The following SPATA17 variants were observed in gnomAD, a reference collection of about 807,000 sequenced individuals.
SPATA17 encodes spermatogenesis-associated protein 17.
A neutral mutation model predicts 62.2 loss-of-function variants in SPATA17; 53 were observed. The ratio of observed to expected loss-of-function variants is 0.85; its 90% CI spans 0.68 to 1.07. SPATA17 has a LOEUF of 1.07. SPATA17 is among the 50% of genes least tolerant of loss of function. SPATA17 has a pLI of 0.00. For missense variants in SPATA17, 466 were observed against 425.5 expected (o/e 1.10, Z -0.84); for synonymous variants, 146 against 146.8 (o/e 0.99, Z 0.04).
intron 1 of SPATA17, among the ~76,000 whole-genome samples, chr1:217,635,383 G>A (rs928688334): frequency 6.6e-6 from 1 of 152,080 alleles, no homozygotes; most frequent in Non-Finnish European, 1.5e-5. Flanking sequence ...TCCACAAGGT[G>A]GGGGCCCTTT....
intron 5 of SPATA17, among the ~76,000 whole-genome samples, chr1:217,686,293 C>G (rs1013916110): frequency 1.3e-5 from 2 of 152,100 alleles, no homozygotes; most frequent in Non-Finnish European, 2.9e-5. Flanking sequence ...TTAACATTTC[C>G]AAACCTTAAT....
chr1:217,702,941 A>G (rs1024030284), intron 5 of SPATA17, among the ~76,000 whole-genome samples: 3 of 148,894 alleles, frequency 2.0e-5, no homozygotes, highest in Non-Finnish European at 3.0e-5. Context: ...GAGTGGCGAC[A>G]TCTCGGCTCA....
intron 6 of SPATA17, among the ~76,000 whole-genome samples, chr1:217,743,849 TC>T (rs71558615): frequency 6.6e-6 from 1 of 151,924 alleles, no homozygotes; most frequent in African/African-American, 2.4e-5. Flanking sequence ...CCTCAAGTGA[TC>T]CCCCCGCCTG....
chr1:217,753,998 G>A (rs1672978160), intron 6 of SPATA17, among the ~76,000 whole-genome samples: 1 of 152,124 alleles, frequency 6.6e-6, no homozygotes, highest in African/African-American at 2.4e-5. Context: ...CACTTTGGGA[G>A]GCCAAGGCAG....
Position 217,870,299 on chromosome 1 carries a change from T to C in SPATA17, c.*3280T>C, listed in dbSNP as rs1280193654. 1 of 152,128 alleles carries C rather than the reference T, an allele frequency of 6.6e-6. No individual in the cohort carries two copies. The highest frequency in any genetic ancestry group is 1.5e-5 in the Non-Finnish European group (1 of 68,020). The allele number at this position is 152,128 out of a possible 1,614,324, so 9.4% of individuals were successfully genotyped here. On this transcript the variant is annotated 3_prime_UTR_variant, in exon 11 of 11. Coordinates refer to ENST00000366933, the MANE Select transcript of SPATA17 (RefSeq NM_138796.4). ...TATGACTTTGATCTTCTCATAAGAC[T>C]CAAGTTTTTGAATGCTTAAGGCTCT...
chr1:217,768,643 C>T (rs1673361075), intron 6 of SPATA17, among the ~76,000 whole-genome samples: 1 of 152,066 alleles, frequency 6.6e-6, no homozygotes, highest in African/African-American at 2.4e-5. Flanking sequence ...AGGTGCCCCA[C>T]CACCACACCC....
chr1:217,807,828 T>G (rs1020488753), intron 9 of SPATA17, among the ~76,000 whole-genome samples: 8 of 152,340 alleles, frequency 5.3e-5, no homozygotes, highest in African/African-American at 1.9e-4. Context: ...AAGGGAAGGT[T>G]CTTACTATGC....
intron 3 of SPATA17, among the ~76,000 whole-genome samples, chr1:217,657,931 C>T (rs929319698): frequency 6.6e-6 from 1 of 152,136 alleles, no homozygotes; most frequent in Admixed American, 6.6e-5. Context: ...GTATGTCTTA[C>T]ATGGTGGCAA....
intron 3 of SPATA17, among the ~76,000 whole-genome samples, chr1:217,660,687 C>A (rs1346738041): frequency 6.6e-6 from 1 of 152,136 alleles, no homozygotes; most frequent in Non-Finnish European, 1.5e-5. Context: ...GAATGGCATA[C>A]CTTAGATCCA....
chr1:217,806,526 A>G (rs935216074), intron 9 of SPATA17, among the ~76,000 whole-genome samples: 2 of 152,138 alleles, frequency 1.3e-5, no homozygotes, highest in African/African-American at 4.8e-5. Context: ...AAGTCCCACA[A>G]TCGGCCTTAA....
At chr1:217,734,075 C>T (rs1304696876) in intron 5 of SPATA17, among the ~76,000 whole-genome samples, 2 of 152,144 alleles carry the variant, frequency 1.3e-5, no homozygotes, top group Admixed American at 6.5e-5. Flanking sequence ...TTTTAGGTAT[C>T]TTAATAACTT....
chr1:217,847,379 C>T (rs912386932), intron 9 of SPATA17, among the ~76,000 whole-genome samples: 2 of 152,014 alleles, frequency 1.3e-5, no homozygotes, highest in Non-Finnish European at 2.9e-5. Flanking sequence ...CAGTGAAGTT[C>T]AAGGGCATCC....
intron 9 of SPATA17, among the ~76,000 whole-genome samples, chr1:217,830,095 A>T (rs1675098929): frequency 6.6e-6 from 1 of 152,096 alleles, no homozygotes; most frequent in African/African-American, 2.4e-5. Context: ...TCTATAAAAC[A>T]TCCAACTTTT....
chr1:217,710,058 A>G (rs1315580767), intron 5 of SPATA17, among the ~76,000 whole-genome samples: 1 of 152,216 alleles, frequency 6.6e-6, no homozygotes, highest in African/African-American at 2.4e-5. Flanking sequence ...GTAGGATACC[A>G]GACAACATTG....
At chr1:217,688,879 TG>T (rs200328200) in intron 5 of SPATA17, among the ~76,000 whole-genome samples, 6,745 of 149,946 alleles carry the variant, frequency 0.045, 229 homozygotes, top group Middle Eastern at 0.1. Context: ...TAATTATCTT[TG>T]AAACCTCAGT....
At chr1:217,830,352 G>T (rs1317811291) in intron 9 of SPATA17, among the ~76,000 whole-genome samples, 1 of 151,944 alleles carries the variant, frequency 6.6e-6, no homozygotes, top group African/African-American at 2.4e-5. Context: ...TTTAAATTTT[G>T]CATTGCTTGA....
intron 7 of SPATA17, among the ~76,000 whole-genome samples, chr1:217,780,257 G>T (rs1470248240): frequency 6.6e-6 from 1 of 152,146 alleles, no homozygotes; most frequent in Non-Finnish European, 1.5e-5. Context: ...AGAGAAACTT[G>T]ATAGCTGGTG....
chr1:217,715,147 T>C (rs1671972974), intron 5 of SPATA17, among the ~76,000 whole-genome samples: 1 of 152,116 alleles, frequency 6.6e-6, no homozygotes, highest in Non-Finnish European at 1.5e-5. Flanking sequence ...TATATGTAAA[T>C]CAAGATGTAT....
At chr1:217,649,750 A>G (rs1233586884) in intron 2 of SPATA17, among the ~76,000 whole-genome samples, 2 of 140,560 alleles carry the variant, frequency 1.4e-5, no homozygotes, top group African/African-American at 5.5e-5. Flanking sequence ...TTTTTTTTTC[A>G]GTGCCCAAAC....
Sources: gnomAD v4.1 joint callset for allele counts (sites outside exome capture counted in the v4.1 genomes callset) on GRCh38, gnomAD v4.1.1 for gene constraint, MANE v1.5 for transcripts, NCBI Gene and HGNC (gene_info 2026-07-23, HGNC 2026-07-21) for gene names.